TRPM4: variants seen among roughly 807,000 people sequenced by gnomAD.
The protein encoded by TRPM4 is calcium-activated non-selective cation channel 1.
TRPM4 carries 124 observed loss-of-function variants against 135.6 expected under a neutral mutation model. That is an observed-to-expected ratio of 0.91 (90% CI 0.79 to 1.06). TRPM4 has a LOEUF of 1.06. Among genes scored for constraint, TRPM4 ranks in the 50% least tolerant of loss-of-function variants. The probability of loss-of-function intolerance (pLI) is 0.00; values close to 1 mark genes in which losing one functional copy is unlikely to be tolerated. For synonymous variants in TRPM4, 745 were observed against 705.6 expected, an observed-to-expected ratio of 1.06 and a Z score of -0.88; for missense variants, 1,658 against 1,671.4, an observed-to-expected ratio of 0.99 and a Z score of 0.14.
intron 9 of TRPM4, among the ~76,000 whole-genome samples, chr19:49,174,845 T>C (rs948418603): frequency 6.6e-6 from 1 of 150,744 alleles, no homozygotes; most frequent in Non-Finnish European, 1.5e-5. Flanking sequence ...GACAGATAAG[T>C]ATTCAGGAAG....
intron 16 of TRPM4, among the ~76,000 whole-genome samples, chr19:49,195,702 T>TTTTTG (rs1233814256): frequency 6.8e-6 from 1 of 147,804 alleles, no homozygotes; most frequent in African/African-American, 2.5e-5. Flanking sequence ...TTTTTTTTTT[T>TTTTTG]AGACAGGGTC....
At chr19:49,158,489 G>A in intron 2 of TRPM4, 1 of 567,560 alleles carries the variant, frequency 1.8e-6, no homozygotes, top group Non-Finnish European at 3.1e-6. Flanking sequence ...TCCAGGGCTC[G>A]GTTCTGCTTC....
At chr19:49,157,957 G>T in intron 1 of TRPM4, 67 bp downstream of exon 1, 3 of 1,504,122 alleles carry the variant, frequency 2.0e-6, no homozygotes, top group South Asian at 1.2e-5. Context: ...TCCCAGAGAG[G>T]AGGGCGCTGG....
rs777255198 is a variant in TRPM4, at chr19:49,182,744, T to G, written c.1430T>G (p.Leu477Trp). The G allele has an allele frequency of 3.1e-6, 5 of 1,613,950 alleles. 1 individual carries two copies. The South Asian group carries it at 5.5e-5, about 18-fold the overall frequency. The change falls in exon 11 of 25, where the codon TTG becomes TGG. Residue 477 changes from leucine (L) to tryptophan (W), a missense_variant. By Grantham distance (61) the Leu-to-Trp change is moderately conservative. Around this residue, in one of 3 missense-constraint regions of TRPM4, gnomAD observed 1,412 missense variants for 1,408.7 expected, o/e 1.00. Coordinates refer to ENST00000252826, the MANE Select transcript of TRPM4 (RefSeq NM_017636.4). ...APSNSLIRNL[L>W]DQASHSAGTK... ...TCCAACTCGCTCATCCGCAACCTTT[T>G]GGACCAGGCGTCCCACAGCGCAGGC...
chr19:49,208,440 T>C (rs1969230758), intron 20 of TRPM4, among the ~76,000 whole-genome samples: 1 of 152,136 alleles, frequency 6.6e-6, no homozygotes, highest in African/African-American at 2.4e-5. Context: ...TCTTCCCAGA[T>C]GCTGGCGTTA....
Position 49,182,763 on chromosome 19 carries a change from C to T in TRPM4, c.1449C>T (p.Ser483=). The T allele has an allele frequency of 6.2e-7, 1 of 1,613,774 alleles. No individual in the cohort carries two copies. Residue 483 remains serine, a synonymous_variant, in exon 11 of 25, where the codon AGC becomes AGT. Coordinates refer to ENST00000252826, the MANE Select transcript of TRPM4 (RefSeq NM_017636.4). ...IRNLLDQASH[S]AGTKAPALKG... ...ACCTTTTGGACCAGGCGTCCCACAG[C>T]GCAGGCACCAAAGCCCCAGCCCTAA...
chr19:49,168,157 CGACTGT>C, intron 4 of TRPM4, 60 bp downstream of exon 4: 1 of 1,591,518 alleles, frequency 6.3e-7, no homozygotes, highest in Non-Finnish European at 8.6e-7. Flanking sequence ...ATCTCCCCCA[CGACTGT>C]GGGTGGCCTC....
chr19:49,160,163 G>A (rs1361956793), intron 2 of TRPM4, among the ~76,000 whole-genome samples: 1 of 152,104 alleles, frequency 6.6e-6, no homozygotes, highest in Non-Finnish European at 1.5e-5. Flanking sequence ...CTAGTGAGGT[G>A]ACATTTGAAA....
rs375928899 is a variant in TRPM4, at chr19:49,166,191, G to C, written c.243G>C (p.Thr81=). Residue 81 remains threonine, a synonymous_variant, in exon 3 of 25, where the codon ACG becomes ACC. Coordinates refer to ENST00000252826, the MANE Select transcript of TRPM4 (RefSeq NM_017636.4). ...ATGCCTACGGAGAGCTGGACTTCAC[G>C]GGGGCCGGCCGCAAGCACAGCAATG... is the stretch of plus-strand genomic sequence containing the variant. ...PTDAYGELDF[T]GAGRKHSNFL... The C allele has an allele frequency of 7.8e-5, 126 of 1,607,638 alleles. No individual in the cohort carries two copies. The highest frequency in any genetic ancestry group is 1.0e-4 in the Non-Finnish European group (118 of 1,177,932).
intron 12 of TRPM4, 129 bp from the exon 13 acceptor site, chr19:49,188,512 A>T: frequency 1.5e-6 from 2 of 1,311,762 alleles, no homozygotes; most frequent in African/African-American, 1.4e-5. Context: ...TCCAAACATT[A>T]CTTCATCCTT....
At chr19:49,174,372 C>T (rs1432609325) in intron 9 of TRPM4, among the ~76,000 whole-genome samples, 1 of 151,676 alleles carries the variant, frequency 6.6e-6, no homozygotes, top group Non-Finnish European at 1.5e-5. Flanking sequence ...AGGCTGGCCT[C>T]GAACTCCTGA....
intron 20 of TRPM4, among the ~76,000 whole-genome samples, chr19:49,205,431 CAT>C (rs1969111156): frequency 1.3e-5 from 2 of 151,102 alleles, no homozygotes; most frequent in Non-Finnish European, 2.9e-5. Flanking sequence ...AACTTGATCA[CAT>C]GTGTAAACTC....
intron 9 of TRPM4, among the ~76,000 whole-genome samples, chr19:49,175,878 C>G (rs538569974): frequency 2.0e-5 from 3 of 148,894 alleles, no homozygotes; most frequent in African/African-American, 7.4e-5. Flanking sequence ...CCACCCGCCT[C>G]GGCCTCCCAA....
chr19:49,199,198 A>G (rs1449625586), intron 17 of TRPM4, among the ~76,000 whole-genome samples: 1 of 152,066 alleles, frequency 6.6e-6, no homozygotes, highest in Non-Finnish European at 1.5e-5. Flanking sequence ...TAGGTTGGAC[A>G]TCTTTTCCTA....
At chr19:49,175,255 A>C (rs1295675785) in intron 9 of TRPM4, among the ~76,000 whole-genome samples, 1 of 151,802 alleles carries the variant, frequency 6.6e-6, no homozygotes, top group Non-Finnish European at 1.5e-5. Flanking sequence ...TTGTAGTTTT[A>C]GTAGAGATGG....
chr19:49,164,987 C>G (rs1600397761), intron 2 of TRPM4, among the ~76,000 whole-genome samples: 2 of 152,010 alleles, frequency 1.3e-5, no homozygotes, highest in South Asian at 4.1e-4. Flanking sequence ...AGGTGATCCT[C>G]TGGCCCCAGC....
chr19:49,205,357 G>A (rs7253006), intron 20 of TRPM4, among the ~76,000 whole-genome samples: 8,461 of 151,938 alleles, frequency 0.056, 703 homozygotes, highest in African/African-American at 0.17. Flanking sequence ...TCATCTTCCA[G>A]ATTTCCCCTT....
In TRPM4 at chr19:49,200,597, A is replaced by T. The variant is rs1254858653; in HGVS notation, c.2779-14A>T. On this transcript the variant is annotated splice_polypyrimidine_tract_variant and intron_variant, in intron 18 of 24. Transcript: ENST00000252826. The stretch of plus-strand genomic sequence containing the variant: ...GGAAAGGGCGGGGCCAGACTCAGCC[A>T]CATCTCCCCACAGATGAAGGACGTG... The T allele has an allele frequency of 1.2e-6, 2 of 1,611,384 alleles. No individual in the cohort carries two copies. Among genetic ancestry groups the T allele is most frequent in the Admixed American group, 1.7e-5 (1 of 59,996 alleles).
intron 12 of TRPM4, among the ~76,000 whole-genome samples, chr19:49,187,711 G>A (rs745505847): frequency 7.9e-5 from 12 of 152,144 alleles, no homozygotes; most frequent in Non-Finnish European, 1.2e-4. Flanking sequence ...CTGTGCGGGA[G>A]ACCTCAGTTT....
Sources: allele counts gnomAD v4.1 joint callset (sites outside exome capture counted in the v4.1 genomes callset), GRCh38; gene constraint gnomAD v4.1.1; regional missense constraint gnomAD v4.1.1; transcripts MANE v1.5; gene names NCBI Gene and HGNC (gene_info 2026-07-23, HGNC 2026-07-21).